The following TACC2 variants were observed in gnomAD, a reference collection of about 807,000 sequenced individuals.
The protein encoded by TACC2 is transforming acidic coiled-coil-containing protein 2.
In TACC2, 137 loss-of-function variants were observed where a neutral mutation model predicts 227.3. That is an observed-to-expected ratio of 0.60 (90% confidence interval 0.52 to 0.69). The LOEUF is 0.69. TACC2 is among the 30% of genes least tolerant of loss of function. The pLI is 0.00. For synonymous variants in TACC2, 1,523 were observed against 1,487.5 expected, an observed-to-expected ratio of 1.02 and a Z score of -0.55; for missense variants, 3,470 against 3,694.4, an observed-to-expected ratio of 0.94 and a Z score of 1.57.
intron 2 of TACC2, among the ~76,000 whole-genome samples, chr10:122,044,802 T>G (rs1204868270): frequency 6.6e-6 from 1 of 151,944 alleles, no homozygotes; most frequent in Non-Finnish European, 1.5e-5. Context: ...CTCTGGAGTG[T>G]TCCAGAGCCA....
chr10:122,084,223 A>T lies in TACC2; in HGVS notation c.1723A>T (p.Ser575Cys). Residue 575 changes from serine (S) to cysteine (C), a missense_variant, in exon 4 of 23, where the codon AGC (serine) becomes TGC (cysteine). Transcript: ENST00000369005. ...AKEGSRSPGD[S>C]PGGKEEAPEP... ...AGAAGGAAGCAGATCACCTGGTGACAGCCCTGGAGGAAAGGAGGAAGCCCC... is the reference window on the plus strand; with the variant it reads ...AGAAGGAAGCAGATCACCTGGTGACTGCCCTGGAGGAAAGGAGGAAGCCCC... 1 of 1,614,128 alleles carries T rather than the reference A, an allele frequency of 6.2e-7. No individual in the cohort carries two copies. The highest frequency in any genetic ancestry group is 8.5e-7 in the Non-Finnish European group (1 of 1,180,042).
chr10:122,042,255 C>T (rs555557447), intron 2 of TACC2, among the ~76,000 whole-genome samples: 1 of 149,104 alleles, frequency 6.7e-6, no homozygotes, highest in South Asian at 2.2e-4. Context: ...TTTTCTTCTT[C>T]TTTTTGAGAG....
At chr10:122,184,595 G>A (rs141441400) in intron 7 of TACC2, among the ~76,000 whole-genome samples, 147 of 152,284 alleles carry the variant, frequency 9.7e-4, no homozygotes, top group African/African-American at 3.3e-3. Context: ...TCCCTTGTAC[G>A]AAGGCAACCT....
intron 3 of TACC2, among the ~76,000 whole-genome samples, chr10:122,059,670 G>T (rs1260945587): frequency 6.6e-6 from 1 of 152,054 alleles, no homozygotes. Context: ...TGCTCCGGTG[G>T]GTAAATACAC....
rs559778936 is a variant in TACC2 at position 122,139,283 on chromosome 10, C to A, written c.5700-4289C>A. On this transcript the variant is annotated intron_variant, in intron 6 of 22. Coordinates refer to ENST00000369005, the MANE Select transcript of TACC2 (RefSeq NM_206862.4). ...CAGTTCAGGGTTAACTGCGCAGGAG[C>A]CCAGCGCCCGCTGGAAATCTGCAGA... Among the ~76,000 whole-genome samples, 14 of 152,366 alleles carry A rather than the reference C, an allele frequency of 9.2e-5. No individual in the cohort carries two copies. The South Asian group carries it at 2.7e-3, about 29-fold the overall frequency.
At position 122,170,922 on chromosome 10, in the gene TACC2, C is replaced by CT. The variant is rs552190018; in HGVS notation, c.5835-24115dup. Among the ~76,000 whole-genome samples, 563 of 152,056 alleles carry CT rather than the reference C, an allele frequency of 3.7e-3. 1 individual carries two copies. Among genetic ancestry groups the CT allele is most frequent in the Middle Eastern group, 6.8e-3 (2 of 294 alleles). ...CCTTGGCTGGTCTCTTTTTTCCTGT[C>CT]TTTATCTCCTTCCACCCAAGGAAGT... On this transcript the variant is annotated intron_variant, in intron 7 of 22. Transcript: ENST00000369005.
intron 7 of TACC2, among the ~76,000 whole-genome samples, chr10:122,159,010 A>T (rs947471503): frequency 1.3e-5 from 2 of 152,200 alleles, no homozygotes; most frequent in African/African-American, 4.8e-5. Context: ...TTAACAAGGC[A>T]AGAAAGCGCC....
At chr10:122,069,676 G>T (rs1000912725) in intron 3 of TACC2, among the ~76,000 whole-genome samples, 2 of 152,120 alleles carry the variant, frequency 1.3e-5, no homozygotes, top group Non-Finnish European at 2.9e-5. Context: ...TAGGCTCTCT[G>T]AAAACATTGA....
chr10:122,224,687 T>G, intron 11 of TACC2, 39 bp from the exon 12 acceptor site: 6 of 1,588,546 alleles, frequency 3.8e-6, no homozygotes, highest in Non-Finnish European at 5.2e-6. Flanking sequence ...AACCTCACCT[T>G]TTGTTTTTTT....
At chr10:122,100,853 C>A (rs1317192171) in intron 5 of TACC2, among the ~76,000 whole-genome samples, 1 of 152,180 alleles carries the variant, frequency 6.6e-6, no homozygotes, top group Non-Finnish European at 1.5e-5. Context: ...AGATGTTGGC[C>A]AGACCCATGT....
chr10:122,236,168 C>T (rs2095853879), intron 16 of TACC2, among the ~76,000 whole-genome samples: 1 of 152,128 alleles, frequency 6.6e-6, no homozygotes, highest in Admixed American at 6.5e-5. Flanking sequence ...GTGGAAGAGA[C>T]AAATTCTGCA....
chr10:122,163,448 G>C (rs1191303117), intron 7 of TACC2: 1 of 513,388 alleles, frequency 1.9e-6, no homozygotes, highest in Non-Finnish European at 2.5e-6. Context: ...GGCGAGGCGG[G>C]AGGGGCCGGG....
Position 122,087,187 on chromosome 10 carries a change from C to T in TACC2, c.4687C>T (p.Pro1563Ser). 2 of 1,611,704 alleles carry T rather than the reference C, an allele frequency of 1.2e-6. No homozygotes were observed. The highest frequency in any genetic ancestry group is 2.2e-5 in the East Asian group (1 of 44,868). The stretch of plus-strand genomic sequence containing the variant: ...GGAATTAGCTTCAGGTCTTCCTTCA[C>T]CAGCAGCTACTCAGGAGCTCCCTGT... ...RQELASGLPS[P>S]AATQELPVER... Residue 1563 changes from proline to serine, a missense_variant, in exon 4 of 23, where the codon CCA becomes TCA. This residue lies in a region of TACC2 where 1,924 missense variants were observed against 1,978.3 expected (regional missense o/e 0.97). Transcript: ENST00000369005.
intron 3 of TACC2, among the ~76,000 whole-genome samples, chr10:122,058,872 C>A (rs1361934346): frequency 1.3e-5 from 2 of 148,674 alleles, no homozygotes; most frequent in African/African-American, 4.9e-5. Context: ...GCGTGAGCCA[C>A]TGAGCCCAGC....
chr10:122,189,104 G>C (rs7897435), intron 7 of TACC2, among the ~76,000 whole-genome samples: 16,621 of 152,114 alleles, frequency 0.11, 3,039 homozygotes, highest in African/African-American at 0.38. Flanking sequence ...TGAAAGATCA[G>C]TTTGTCAGCC....
rs577681703 is a variant in TACC2 at position 122,253,663 on chromosome 10, G to A, written c.8782-328G>A. ...CCTTCCCGGGCAAATAAAGGGAAAG[G>A]AACCAGACTAGTTAGTCCTTCACTC... is the stretch of plus-strand genomic sequence containing the variant. On this transcript the variant is annotated intron_variant, in intron 22 of 22. Coordinates refer to ENST00000369005, the MANE Select transcript of TACC2 (RefSeq NM_206862.4). 3.9e-5 allele frequency among the ~76,000 whole-genome samples: 6 copies of A among 152,346 alleles called. No homozygotes were observed. In the South Asian group the frequency reaches 1.0e-3, roughly 26 times the overall value.
At chr10:122,017,777 A>G (rs931213639) in intron 1 of TACC2, among the ~76,000 whole-genome samples, 2 of 141,088 alleles carry the variant, frequency 1.4e-5, no homozygotes, top group Non-Finnish European at 3.0e-5. Context: ...AGATCGCGCC[A>G]CTGCACTTCA....
intron 3 of TACC2, among the ~76,000 whole-genome samples, chr10:122,070,709 C>T (rs1254359585): frequency 2.0e-5 from 3 of 147,338 alleles, no homozygotes; most frequent in East Asian, 2.0e-4. Context: ...GCTGAGATCT[C>T]GCCATTGCAC....
At chr10:122,059,351 C>T (rs1003079121) in intron 3 of TACC2, among the ~76,000 whole-genome samples, 1 of 151,842 alleles carries the variant, frequency 6.6e-6, no homozygotes, top group Admixed American at 6.6e-5. Flanking sequence ...CTGAACACCC[C>T]CCTCCCCCCT....
Sources: gnomAD v4.1 joint callset for allele counts (sites outside exome capture counted in the v4.1 genomes callset) on GRCh38, gnomAD v4.1.1 for gene constraint, gnomAD v4.1.1 regional missense constraint, MANE v1.5 for transcripts, NCBI Gene and HGNC (gene_info 2026-07-23, HGNC 2026-07-21) for gene names.